Variants in FLG observed in about 807,000 individuals in gnomAD.
FLG encodes the protein filaggrin.
In FLG, 6 loss-of-function variants were observed where a neutral mutation model predicts 3.8. The observed-to-expected ratio is 1.60, with a 90% confidence interval of 0.87 to 3.15. The LOEUF is 3.15. Among genes scored for constraint, FLG ranks in the 30% most tolerant of loss-of-function variants. The probability of loss-of-function intolerance (pLI) is 0.00; values close to 1 mark genes in which losing one functional copy is unlikely to be tolerated. For missense variants in FLG, 7,595 were observed against 5,050.9 expected (o/e 1.50, Z -15.27); for synonymous variants, 2,551 against 1,931.6 (o/e 1.32, Z -8.41).
In FLG at chr1:152,305,169, A is replaced by G. The variant is rs139578568; in HGVS notation, c.9717T>C (p.His3239=). ...ERWSGSASRN[H]RGSVQEQSRH... is the part of the protein sequence containing the mutation. ...TTGACTGCTCCTGAACAGATCCACG[A>G]TGGTTTCTGGAAGCAGACCCAGACC... is the stretch of plus-strand genomic sequence containing the variant. The change falls in exon 3 of 3, where the codon CAT becomes CAC. Residue 3239 remains histidine, a synonymous_variant. Transcript: ENST00000368799. 1 of 1,613,656 alleles carries G rather than the reference A, an allele frequency of 6.2e-7. No individual in the cohort carries two copies. The highest frequency in any genetic ancestry group is 2.2e-5 in the East Asian group (1 of 44,816).
At position 152,303,484 on chromosome 1, in the gene FLG, T is replaced by C. The variant is rs144046718; in HGVS notation, c.11402A>G (p.His3801Arg). The C allele has an allele frequency of 6.7e-5, 108 of 1,613,786 alleles. 1 individual carries two copies. The highest frequency in any genetic ancestry group is 5.2e-4 in the African/African-American group (39 of 74,980). ...TGCACTTCTGGATCCTGACTGCCCATGGGAGGCATCAGACCTTCCCTGGGA... is the reference window on the plus strand; with the variant it reads ...TGCACTTCTGGATCCTGACTGCCCACGGGAGGCATCAGACCTTCCCTGGGA... ...TTSQGRSDAS[H>R]GQSGSRSASR... The change falls in exon 3 of 3, where the codon CAT (histidine) becomes CGT (arginine). Residue 3801 changes from histidine to arginine, a missense_variant. Transcript: ENST00000368799.
At position 152,305,058 on chromosome 1, in the gene FLG, A is replaced by T; in HGVS notation, c.9828T>A (p.Thr3276=). 1 of 1,613,832 alleles carries T rather than the reference A, an allele frequency of 6.2e-7. No homozygotes were observed. The highest frequency in any genetic ancestry group is 8.5e-7 in the Non-Finnish European group (1 of 1,179,986). ...CACCAGAGGAAGTCTCTGCGTGACG[A>T]GTGCCTGATTGTCTGGAGCGGTCTG... ...HSADRSRQSG[T]RHAETSSGGQ... Residue 3276 remains threonine, a synonymous_variant, in exon 3 of 3, where the codon ACT becomes ACA. Coordinates refer to ENST00000368799, the MANE Select transcript of FLG (RefSeq NM_002016.2).
Position 152,307,090 on chromosome 1 carries a change from A to T in FLG, c.7796T>A (p.Leu2599Gln), listed in dbSNP as rs545327919. 1 of 1,609,938 alleles carries T rather than the reference A, an allele frequency of 6.2e-7. No homozygotes were observed. The change falls in exon 3 of 3, where the codon CTA becomes CAA. Residue 2599 changes from leucine to glutamine, a missense_variant. Coordinates refer to ENST00000368799, the MANE Select transcript of FLG (RefSeq NM_002016.2). ...RNHHGSAQEQLRDGSRHPRSH... is the reference protein window; with the variant it reads ...RNHHGSAQEQQRDGSRHPRSH... ...CCTGGGGTGTCTGGAGCCATCTCTTAGCTGCTCCTGAGCAGATCCATGATG... is the reference window on the plus strand; with the variant it reads ...CCTGGGGTGTCTGGAGCCATCTCTTTGCTGCTCCTGAGCAGATCCATGATG...
Position 152,307,462 on chromosome 1 carries a change from C to A in FLG, c.7424G>T (p.Gly2475Val), listed in dbSNP as rs754539573. 1 of 1,613,192 alleles carries A rather than the reference C, an allele frequency of 6.2e-7. No individual in the cohort carries two copies. Among genetic ancestry groups the A allele is most frequent in the South Asian group, 1.1e-5 (1 of 91,010 alleles). Residue 2475 changes from glycine (G) to valine (V), a missense_variant, in exon 3 of 3, where the codon GGA becomes GTA. Coordinates refer to ENST00000368799, the MANE Select transcript of FLG (RefSeq NM_002016.2). ...HPGSSSGGRQ[G>V]SHYEQLVDRS... The stretch of plus-strand genomic sequence containing the variant: ...ATCTACCAATTGCTCGTAGTGGGAT[C>A]CCTGCCTTCCTCCACTGCTTGACCC...
Position 152,313,635 on chromosome 1 carries a change from A to G in FLG, c.1251T>C (p.Ser417=). ...SAVSDRGHRG[S]SGSQASDSEG... ...CACTGTCACTGGCCTGACTACCGCT[A>G]GACCCCCGGTGTCCACGATCGCTGA... Residue 417 remains serine, a synonymous_variant, in exon 3 of 3, where the codon TCT becomes TCC. Transcript: ENST00000368799. 6.2e-7 allele frequency: 1 copy of G among 1,611,504 alleles called. No individual in the cohort carries two copies. The highest frequency in any genetic ancestry group is 2.2e-5 in the East Asian group (1 of 44,628).
chr1:152,311,779 C>G lies in FLG; in HGVS notation c.3107G>C (p.Arg1036Pro). ...GGAGCTGTCTGCTGACTGCTGGTGG[C>G]GGGATCCGTGTCTTTCTCCTGGACT... is the stretch of plus-strand genomic sequence containing the variant. ...RSSPGERHGSRHQQSADSSRH... is the reference protein window; with the variant it reads ...RSSPGERHGSPHQQSADSSRH... Residue 1036 changes from arginine (R) to proline (P), a missense_variant, in exon 3 of 3, where the codon CGC (arginine) becomes CCC (proline). Physicochemically the swap from Arg to Pro is moderately radical, Grantham distance 103. Transcript: ENST00000368799. 1.9e-6 allele frequency: 3 copies of G among 1,613,996 alleles called. No individual in the cohort carries two copies. Among genetic ancestry groups the G allele is most frequent in the Non-Finnish European group, 2.5e-6 (3 of 1,180,000 alleles).
chr1:152,312,544 T>G lies in FLG; in HGVS notation c.2342A>C (p.Asp781Ala). 6.2e-7 allele frequency: 1 copy of G among 1,613,528 alleles called. No individual in the cohort carries two copies. The highest frequency in any genetic ancestry group is 8.5e-7 in the Non-Finnish European group (1 of 1,179,904). ...HQQSHQESAR[D>A]RSGERSRRSG... ...ACGTCGAGACCTTTCCCCTGACCGGTCACGTGCGGACTCTTGGTGGCTCTG... is the reference window on the plus strand; with the variant it reads ...ACGTCGAGACCTTTCCCCTGACCGGGCACGTGCGGACTCTTGGTGGCTCTG... Residue 781 changes from aspartate (D) to alanine (A), a missense_variant, in exon 3 of 3, where the codon GAC becomes GCC. Transcript: ENST00000368799.
chr1:152,304,101 G>A lies in FLG; in HGVS notation c.10785C>T (p.Ser3595=). 1 of 1,608,212 alleles carries A rather than the reference G, an allele frequency of 6.2e-7. No individual in the cohort carries two copies. Among genetic ancestry groups the A allele is most frequent in the East Asian group, 2.3e-5 (1 of 43,902 alleles). ...RAGHGHSAES[S]RQSGTHHAEN... Reference sequence around the variant, plus strand: ...CTGCATGATGAGTGCCTGATTGTCTGGAGCTCTCTGCAGAGTGCCCGTGAC... The same window carrying A: ...CTGCATGATGAGTGCCTGATTGTCTAGAGCTCTCTGCAGAGTGCCCGTGAC... The change falls in exon 3 of 3, where the codon TCC becomes TCT. Residue 3595 remains serine, a synonymous_variant. Transcript: ENST00000368799.
intron 2 of FLG, 92 bp downstream of exon 2, chr1:152,315,227 A>G: frequency 1.6e-6 from 2 of 1,227,666 alleles, no homozygotes; most frequent in Non-Finnish European, 2.4e-6. Flanking sequence ...ATTTTAAGAG[A>G]AATAGTTCAC....
chr1:152,323,831 A>C (rs1653058160), intron 1 of FLG, among the ~76,000 whole-genome samples: 1 of 151,866 alleles, frequency 6.6e-6, no homozygotes, highest in Admixed American at 6.6e-5. Flanking sequence ...TACACAAAAA[A>C]GTGCATAGCC....
chr1:152,307,169 T>A lies in FLG; in HGVS notation c.7717A>T (p.Ser2573Cys). ...TCAGAGTCTTCTGAGTGTCCCTGAC[T>A]GTCACTGTCCTGGCTAAAACTGGAT... ...WGSSFSQDSD[S>C]QGHSEDSERW... The change falls in exon 3 of 3, where the codon AGT becomes TGT. Residue 2573 changes from serine to cysteine, a missense_variant. Transcript: ENST00000368799. 6.2e-7 allele frequency: 1 copy of A among 1,612,900 alleles called. No homozygotes were observed. The highest frequency in any genetic ancestry group is 1.1e-5 in the South Asian group (1 of 91,068).
Position 152,314,350 on chromosome 1 carries a change from T to G in FLG, c.536A>C (p.Asn179Thr). ...REEEYGKNHH[N>T]SSKKEKNKTE... ...CTTGTTTTTCTCTTTTTTACTTGAG[T>G]TATGATGGTTTTTTCCATATTCTTC... The change falls in exon 3 of 3, where the codon AAC (asparagine) becomes ACC (threonine). Residue 179 changes from asparagine to threonine, a missense_variant. Transcript: ENST00000368799. The G allele has an allele frequency of 6.2e-7, 1 of 1,612,740 alleles. No individual in the cohort carries two copies. Among genetic ancestry groups the G allele is most frequent in the Non-Finnish European group, 8.5e-7 (1 of 1,179,538 alleles).
At position 152,303,551 on chromosome 1, in the gene FLG, C is replaced by G; in HGVS notation, c.11335G>C (p.Asp3779His). The change falls in exon 3 of 3, where the codon GAT becomes CAT. Residue 3779 changes from aspartate to histidine, a missense_variant. Asp to His is a moderately conservative substitution (Grantham distance 81). Transcript: ENST00000368799. ...RQGSYHEQSV[D>H]RSGHSGSHHS... Reference sequence around the variant, plus strand: ...TGGGACCCTGAGTGTCCAGACCTATCTACCGATTGCTCGTGGTAGGATCCC... The same window carrying G: ...TGGGACCCTGAGTGTCCAGACCTATGTACCGATTGCTCGTGGTAGGATCCC... The G allele has an allele frequency of 6.2e-7, 1 of 1,614,108 alleles. No homozygotes were observed.
In FLG at chr1:152,310,408, G is replaced by C; in HGVS notation, c.4478C>G (p.Pro1493Arg). 4 of 1,613,358 alleles carry C rather than the reference G, an allele frequency of 2.5e-6. No homozygotes were observed. Among genetic ancestry groups the C allele is most frequent in the South Asian group, 1.1e-5 (1 of 91,026 alleles). ...QDGQDTIRGH[P>R]GSSRGGRQGS... ...CTGCCTTCCTCCTCTGCTTGACCCCGGGTGTCCACGAATGGTGTCCTGACC... is the reference window on the plus strand; with the variant it reads ...CTGCCTTCCTCCTCTGCTTGACCCCCGGTGTCCACGAATGGTGTCCTGACC... The change falls in exon 3 of 3, where the codon CCG becomes CGG. Residue 1493 changes from proline to arginine, a missense_variant. By Grantham distance (103) the Pro-to-Arg change is moderately radical. Transcript: ENST00000368799.
Position 152,303,477 on chromosome 1 carries a change from C to G in FLG, c.11409G>C (p.Gln3803His), listed in dbSNP as rs375547903. The change falls in exon 3 of 3, where the codon CAG becomes CAC. Residue 3803 changes from glutamine (Q) to histidine (H), a missense_variant. Transcript: ENST00000368799. ...SQGRSDASHG[Q>H]SGSRSASRET... is the part of the protein sequence containing the mutation. ...CTCTGCTTGCACTTCTGGATCCTGA[C>G]TGCCCATGGGAGGCATCAGACCTTC... 15 of 1,613,990 alleles carry G rather than the reference C, an allele frequency of 9.3e-6. No individual in the cohort carries two copies. Among genetic ancestry groups the G allele is most frequent in the Middle Eastern group, 1.6e-4 (1 of 6,084 alleles).
In FLG at chr1:152,324,759, G is replaced by A. The variant is rs111835424; in HGVS notation, c.-22+430C>T. 1.4e-3 allele frequency among the ~76,000 whole-genome samples: 219 copies of A among 151,800 alleles called. 3 individuals are homozygous for A. The highest frequency in any genetic ancestry group is 4.8e-3 in the African/African-American group (197 of 41,460). Reference sequence around the variant, plus strand: ...TTATGACCCAGGGAAGCCAAAAGACGGGACACCCCTGCTCTACTACATCAC... The same window carrying A: ...TTATGACCCAGGGAAGCCAAAAGACAGGACACCCCTGCTCTACTACATCAC... On this transcript the variant is annotated intron_variant, in intron 1 of 2. Transcript: ENST00000368799.
rs142063898 is a variant in FLG at position 152,308,582 on chromosome 1, A to G, written c.6304T>C (p.Ser2102Pro). 268 of 1,613,548 alleles carry G rather than the reference A, an allele frequency of 1.7e-4. 1 individual carries two copies. The African/African-American group carries it at 3.2e-3, about 19-fold the overall frequency. ...YQVSTHEQSE[S>P]THGQSAPSTG... ...CTGGGCGCAGACTGTCCATGGGTGGACTCAGACTGTTCATGAGTGCTCACC... is the reference window on the plus strand; with the variant it reads ...CTGGGCGCAGACTGTCCATGGGTGGGCTCAGACTGTTCATGAGTGCTCACC... The change falls in exon 3 of 3, where the codon TCC (serine) becomes CCC (proline). Residue 2102 changes from serine (S) to proline (P), a missense_variant. Transcript: ENST00000368799.
chr1:152,307,311 G>C lies in FLG; in HGVS notation c.7575C>G (p.Asp2525Glu). ...GACGCGACCCTGAGTGCCTGGAGCCGTCTCCTGATTGTTCATCGTTACGAG... is the reference window on the plus strand; with the variant it reads ...GACGCGACCCTGAGTGCCTGGAGCCCTCTCCTGATTGTTCATCGTTACGAG... ...RQTRNDEQSGDGSRHSGSRHH... is the reference protein window; with the variant it reads ...RQTRNDEQSGEGSRHSGSRHH... Residue 2525 changes from aspartate (D) to glutamate (E), a missense_variant, in exon 3 of 3, where the codon GAC (aspartate) becomes GAG (glutamate). Physicochemically the swap from Asp to Glu is conservative, Grantham distance 45 (BLOSUM62 2). Transcript: ENST00000368799. 1 of 1,613,350 alleles carries C rather than the reference G, an allele frequency of 6.2e-7. No individual in the cohort carries two copies.
rs778086452 is a variant in FLG at position 152,313,632 on chromosome 1, G to A, written c.1254C>T (p.Ser418=). ...CCTCACTGTCACTGGCCTGACTACC[G>A]CTAGACCCCCGGTGTCCACGATCGC... ...AVSDRGHRGS[S]GSQASDSEGH... Residue 418 remains serine, a synonymous_variant, in exon 3 of 3, where the codon AGC becomes AGT. Transcript: ENST00000368799. The A allele has an allele frequency of 1.3e-5, 21 of 1,612,436 alleles. No individual in the cohort carries two copies. Among genetic ancestry groups the A allele is most frequent in the East Asian group, 4.5e-5 (2 of 44,724 alleles).
Sources: allele counts gnomAD v4.1 joint callset (sites outside exome capture counted in the v4.1 genomes callset), GRCh38; gene constraint gnomAD v4.1.1; transcripts MANE v1.5; gene names NCBI Gene and HGNC (gene_info 2026-07-23, HGNC 2026-07-21).